GYPB: variants seen among roughly 807,000 people sequenced by gnomAD.
GYPB encodes glycophorin-B.
A neutral mutation model predicts 15.3 loss-of-function variants in GYPB; 13 were observed. The ratio of observed to expected loss-of-function variants is 0.85; its 90% CI spans 0.55 to 1.35. The LOEUF (loss-of-function observed/expected upper bound fraction) is 1.35, where lower values mean the gene tolerates loss of function less well. Ranked by LOEUF, GYPB falls within the 40% of genes most tolerant of loss-of-function variation. The pLI, the probability that GYPB is intolerant of heterozygous loss-of-function variation, is 0.00. For missense variants in GYPB, 131 were observed against 108.3 expected (o/e 1.21, Z -0.93); for synonymous variants, 38 against 36.9 (o/e 1.03, Z -0.11).
At position 144,006,939 on chromosome 4, in the gene GYPB, A is replaced by G. The variant is rs1485806360; in HGVS notation, c.38-5656T>C. ...TGGACAGAATTAACGTATAAATGGGAATCTTGCCTGTGCTAAAAGATGTTT... is the reference window on the plus strand; with the variant it reads ...TGGACAGAATTAACGTATAAATGGGGATCTTGCCTGTGCTAAAAGATGTTT... On this transcript the variant is annotated intron_variant, in intron 1 of 4. Coordinates refer to ENST00000502664, the MANE Select transcript of GYPB (RefSeq NM_002100.6). Among the ~76,000 whole-genome samples the G allele has an allele frequency of 4.2e-3, 631 of 149,482 alleles. 7 individuals are homozygous for G. Among genetic ancestry groups the G allele is most frequent in the African/African-American group, 0.016 (603 of 38,854 alleles).
At chr4:144,012,450 T>A (rs1344289260) in intron 1 of GYPB, 1 of 151,224 alleles carries the variant, frequency 6.6e-6, no homozygotes, top group Non-Finnish European at 1.5e-5. Flanking sequence ...ATGCGCATAA[T>A]TTTTTTGCAA....
At chr4:144,006,231 T>G (rs1258166573) in intron 1 of GYPB, among the ~76,000 whole-genome samples, 1 of 151,944 alleles carries the variant, frequency 6.6e-6, no homozygotes, top group Non-Finnish European at 1.5e-5. Flanking sequence ...TTCTAGAAAA[T>G]GAAATATTCA....
At chr4:144,007,805 AG>A (rs1560710921) in intron 1 of GYPB, among the ~76,000 whole-genome samples, 1 of 151,312 alleles carries the variant, frequency 6.6e-6, no homozygotes, top group East Asian at 1.9e-4. Flanking sequence ...CTTTAAAAAA[AG>A]TTTTGCTTTT....
chr4:144,009,295 T>C (rs1728089051), intron 1 of GYPB, among the ~76,000 whole-genome samples: 2 of 151,368 alleles, frequency 1.3e-5, no homozygotes, highest in Non-Finnish European at 2.9e-5. Context: ...TGCAAATCTT[T>C]AGTCTAAAAC....
intron 4 of GYPB, among the ~76,000 whole-genome samples, chr4:143,997,040 GATACTAC>G (rs1727359090): frequency 6.6e-6 from 1 of 150,912 alleles, no homozygotes; most frequent in Non-Finnish European, 1.5e-5. Flanking sequence ...CTGAATAGCT[GATACTAC>G]ACATGTGCAC....
intron 1 of GYPB, among the ~76,000 whole-genome samples, chr4:144,010,233 G>C (rs1177348874): frequency 6.6e-6 from 1 of 151,260 alleles, no homozygotes; most frequent in African/African-American, 2.5e-5. Flanking sequence ...GGAGGCCAAG[G>C]CAAGAGGATC....
At chr4:144,006,406 A>C (rs1727918600) in intron 1 of GYPB, among the ~76,000 whole-genome samples, 1 of 151,962 alleles carries the variant, frequency 6.6e-6, no homozygotes, top group Non-Finnish European at 1.5e-5. Flanking sequence ...TGGGGGCCCA[A>C]GACATGTTAG....
At chr4:144,010,330 G>A (rs1280117442) in intron 1 of GYPB, among the ~76,000 whole-genome samples, 1 of 151,292 alleles carries the variant, frequency 6.6e-6, no homozygotes, top group Non-Finnish European at 1.5e-5. Context: ...TTAGTCAGGT[G>A]TGGTTGAGCA....
Position 144,011,224 on chromosome 4 carries a change from C to CA in GYPB, c.37+8026dup, listed in dbSNP as rs551526645. Among the ~76,000 whole-genome samples the CA allele has an allele frequency of 9.9e-5, 15 of 151,176 alleles. No individual in the cohort carries two copies. The East Asian group carries it at 2.3e-3, about 24-fold the overall frequency. On this transcript the variant is annotated intron_variant, in intron 1 of 4. Transcript: ENST00000502664. Reference sequence around the variant, plus strand: ...GTGAAACCCCGTGTCTACTGAAATACAAAAAATTAACTGGGCGTGGTGGTG... The same window carrying CA: ...GTGAAACCCCGTGTCTACTGAAATACAAAAAAATTAACTGGGCGTGGTGGTG...
At chr4:144,011,040 G>A (rs1468385059) in intron 1 of GYPB, among the ~76,000 whole-genome samples, 1 of 151,500 alleles carries the variant, frequency 6.6e-6, no homozygotes, top group East Asian at 1.9e-4. Context: ...AATGCATATG[G>A]ATTATGGTTT....
intron 2 of GYPB, 103 bp from the exon 3 acceptor site, chr4:143,999,552 A>G (rs1274780635): frequency 3.0e-6 from 2 of 660,310 alleles, no homozygotes; most frequent in Non-Finnish European, 2.7e-6. Context: ...TTTCTTAATC[A>G]TATTTTGAGA....
rs531142517 is a variant in GYPB, at chr4:144,004,225, A to T, written c.38-2942T>A. On this transcript the variant is annotated intron_variant, in intron 1 of 4. Transcript: ENST00000502664. ...GAAAATAAACATATAAATGCCCTAAAGATAATTTGATAAAAATTGTTTTTT... is the reference window on the plus strand; with the variant it reads ...GAAAATAAACATATAAATGCCCTAATGATAATTTGATAAAAATTGTTTTTT... 5.3e-5 allele frequency among the ~76,000 whole-genome samples: 8 copies of T among 151,994 alleles called. No homozygotes were observed. In the East Asian group the frequency reaches 1.3e-3, roughly 26 times the overall value.
intron 1 of GYPB, among the ~76,000 whole-genome samples, chr4:144,006,098 T>A (rs1727901474): frequency 6.6e-6 from 1 of 151,844 alleles, no homozygotes; most frequent in African/African-American, 2.4e-5. Flanking sequence ...TTTAAATTTA[T>A]GTTTTTCAGT....
In GYPB at chr4:144,018,395, A is replaced by T. The variant is rs751473968; in HGVS notation, c.37+856T>A. Reference sequence around the variant, plus strand: ...GATCTCTCTTCCCTGTATGCTACAGAGTGCTCAGTAGATCCTTGATACTTG... The same window carrying T: ...GATCTCTCTTCCCTGTATGCTACAGTGTGCTCAGTAGATCCTTGATACTTG... On this transcript the variant is annotated intron_variant, in intron 1 of 4. Transcript: ENST00000502664. Among the ~76,000 whole-genome samples the T allele has an allele frequency of 1.1e-4, 16 of 151,024 alleles. 2 individuals carry two copies. The highest frequency in any genetic ancestry group is 4.0e-4 in the African/African-American group (16 of 40,376).
At chr4:144,010,436 T>A (rs543344812) in intron 1 of GYPB, among the ~76,000 whole-genome samples, 5 of 151,400 alleles carry the variant, frequency 3.3e-5, no homozygotes, top group Non-Finnish European at 7.3e-5. Flanking sequence ...GCCGTTGCAG[T>A]CCAGCTTAGG....
downstream of GYPB, among the ~76,000 whole-genome samples, chr4:143,995,785 A>C (rs945736618): frequency 5.3e-5 from 8 of 151,450 alleles, 1 homozygote; most frequent in African/African-American, 2.0e-4. Context: ...AGATTTGAAT[A>C]GAATTTGGTC....
At chr4:144,001,051 T>C in intron 2 of GYPB, 134 bp downstream of exon 2, 1 of 1,441,596 alleles carries the variant, frequency 6.9e-7, no homozygotes, top group Non-Finnish European at 9.5e-7. Context: ...TGTGTCTACT[T>C]AGTAGGCTGT....
At chr4:144,008,275 A>G in intron 1 of GYPB, 2 of 416,282 alleles carry the variant, frequency 4.8e-6, no homozygotes, top group Admixed American at 2.5e-5. Flanking sequence ...GAGGGAATCA[A>G]GTAAGTTGTC....
In GYPB at chr4:144,012,961, A is replaced by G. The variant is rs540748231; in HGVS notation, c.37+6290T>C. ...AAAGAAAAAAATAAATTGGACTTGA[A>G]AATGAAAAACATTTGTGCATCAAAG... On this transcript the variant is annotated intron_variant, in intron 1 of 4. Coordinates refer to ENST00000502664, the MANE Select transcript of GYPB (RefSeq NM_002100.6). 4.0e-5 allele frequency among the ~76,000 whole-genome samples: 6 copies of G among 151,788 alleles called. No individual in the cohort carries two copies. In the South Asian group the frequency reaches 1.2e-3, roughly 31 times the overall value.
Sources: gnomAD v4.1 joint callset for allele counts (sites outside exome capture counted in the v4.1 genomes callset) on GRCh38, gnomAD v4.1.1 for gene constraint, MANE v1.5 for transcripts, NCBI Gene and HGNC (gene_info 2026-07-23, HGNC 2026-07-21) for gene names.